Variants in NXPE3 observed in about 807,000 individuals in gnomAD.
The protein encoded by NXPE3 is NXPE family member 3.
A neutral mutation model predicts 46.1 loss-of-function variants in NXPE3; 26 were observed. The ratio of observed to expected loss-of-function variants is 0.56; its 90% confidence interval spans 0.41 to 0.78. The LOEUF (loss-of-function observed/expected upper bound fraction) is 0.78. Among genes scored for constraint, NXPE3 ranks in the 30% least tolerant of loss-of-function variants. The pLI is 0.00. For synonymous variants in NXPE3, 272 were observed against 257.9 expected, an observed-to-expected ratio of 1.05 and a Z score of -0.52; for missense variants, 620 against 686.0, an observed-to-expected ratio of 0.90 and a Z score of 1.07.
chr3:101,819,886 C>T (rs962172095), intron 7 of NXPE3, among the ~76,000 whole-genome samples: 1 of 152,176 alleles, frequency 6.6e-6, no homozygotes, highest in African/African-American at 2.4e-5. Flanking sequence ...AATATTTCCC[C>T]ATTGCACCTA....
In NXPE3 at chr3:101,786,700, G is replaced by T. The variant is rs113350807; in HGVS notation, c.93+1011G>T. Among the ~76,000 whole-genome samples the T allele has an allele frequency of 2.0e-5, 3 of 152,244 alleles. No individual in the cohort carries two copies. In the South Asian group the frequency reaches 6.2e-4, roughly 32 times the overall value. On this transcript the variant is annotated intron_variant, in intron 4 of 7. Coordinates refer to ENST00000273347, the MANE Select transcript of NXPE3 (RefSeq NM_145037.4). ...TATAAGATACTACCAATCCTACACC[G>T]ATAGTTCCTTTTACCTGGAAGCTGT...
chr3:101,805,714 TACAGGCGTA>T (rs1439429749), intron 5 of NXPE3, among the ~76,000 whole-genome samples: 4 of 152,204 alleles, frequency 2.6e-5, no homozygotes, highest in Non-Finnish European at 5.9e-5. Context: ...GTGCTGGGAT[TACAGGCGTA>T]AGCCACCACG....
intron 4 of NXPE3, among the ~76,000 whole-genome samples, chr3:101,791,664 C>A (rs1380715103): frequency 6.6e-6 from 1 of 152,168 alleles, no homozygotes; most frequent in African/African-American, 2.4e-5. Flanking sequence ...GTGTGAGCCA[C>A]CACGCCCGGC....
Position 101,801,595 on chromosome 3 carries a change from A to G in NXPE3, c.454A>G (p.Lys152Glu). ...DYLQARIHSL[K>E]LQAGAVGRVV... ...CCTGCAGGCCAGAATTCACTCCCTC[A>G]AGCTGCAGGCTGGGGCTGTGGGCAG... The change falls in exon 5 of 8, where the codon AAG becomes GAG. Residue 152 changes from lysine (K) to glutamate (E), a missense_variant. Physicochemically the swap from Lys to Glu is moderately conservative, Grantham distance 56. Around this residue, in one of 3 missense-constraint regions of NXPE3, gnomAD observed 511 missense variants for 528.6 expected, o/e 0.97. Transcript: ENST00000273347. 2 of 1,614,136 alleles carry G rather than the reference A, an allele frequency of 1.2e-6. No homozygotes were observed. The highest frequency in any genetic ancestry group is 8.5e-7 in the Non-Finnish European group (1 of 1,180,004).
chr3:101,812,653 A>G (rs1434035263), intron 6 of NXPE3, among the ~76,000 whole-genome samples: 1 of 151,876 alleles, frequency 6.6e-6, no homozygotes, highest in Non-Finnish European at 1.5e-5. Flanking sequence ...TCTACTAAAA[A>G]TGCAAAAAAC....
chr3:101,782,982 C>T (rs1262259439), intron 3 of NXPE3, among the ~76,000 whole-genome samples: 1 of 151,826 alleles, frequency 6.6e-6, no homozygotes, highest in Non-Finnish European at 1.5e-5. Context: ...TTTTTATTTC[C>T]TGGTGAAAAA....
chr3:101,801,266 T>C lies in NXPE3; in HGVS notation c.125T>C (p.Phe42Ser), dbSNP rs199917885. Residue 42 changes from phenylalanine (F) to serine (S), a missense_variant, in exon 5 of 8, where the codon TTC becomes TCC. By Grantham distance (155) the Phe-to-Ser change is radical (BLOSUM62 -2). Transcript: ENST00000273347. ...YLDHETVSAT[F>S]IDSSGQFVSS... ...GACCATGAGACTGTTTCAGCCACTT[T>C]CATCGACAGCAGTGGACAGTTTGTT... 18 of 1,613,420 alleles carry C rather than the reference T, an allele frequency of 1.1e-5. No homozygotes were observed. In the Admixed American group the frequency reaches 2.2e-4, roughly 19 times the overall value.
Position 101,801,433 on chromosome 3 carries a change from G to C in NXPE3, c.292G>C (p.Val98Leu). ...QVPDVGPVPF[V>L]KSTDPSSSYF... is the part of the protein sequence containing the mutation. ...TCCTGATGTGGGCCCAGTCCCCTTT[G>C]TGAAGAGCACTGACCCTTCTTCCAG... The change falls in exon 5 of 8, where the codon GTG (valine) becomes CTG (leucine). Residue 98 changes from valine (V) to leucine (L), a missense_variant. Around this residue, in one of 3 missense-constraint regions of NXPE3, gnomAD observed 511 missense variants for 528.6 expected, o/e 0.97. Transcript: ENST00000273347. The C allele has an allele frequency of 1.2e-6, 2 of 1,614,182 alleles. No individual in the cohort carries two copies. The highest frequency in any genetic ancestry group is 1.1e-5 in the South Asian group (1 of 91,086).
intron 5 of NXPE3, among the ~76,000 whole-genome samples, chr3:101,804,374 G>T (rs1430172910): frequency 6.6e-6 from 1 of 152,214 alleles, no homozygotes; most frequent in Non-Finnish European, 1.5e-5. Context: ...TGCATATCCT[G>T]GGTGAGGCTG....
rs1488135715 is a variant in NXPE3 at position 101,807,273 on chromosome 3, A to G, written c.922+147A>G. ...TATTAAAAGTACTGTTTGATTAAAAAAATCAGATCTTATGTGCATAATTCT... is the reference window on the plus strand; with the variant it reads ...TATTAAAAGTACTGTTTGATTAAAAGAATCAGATCTTATGTGCATAATTCT... On this transcript the variant is annotated intron_variant, in intron 6 of 7. Coordinates refer to ENST00000273347, the MANE Select transcript of NXPE3 (RefSeq NM_145037.4). 10 of 625,246 alleles carry G rather than the reference A, an allele frequency of 1.6e-5. No homozygotes were observed. In the East Asian group the frequency reaches 2.8e-4, roughly 17 times the overall value. The allele number at this position is 625,246 out of a possible 1,614,324, so 38.7% of individuals were successfully genotyped here. A position where few individuals can be genotyped will look rare whatever the true frequency, so the allele number is the denominator to read the frequency against.
chr3:101,789,872 G>A (rs983476196), intron 4 of NXPE3, among the ~76,000 whole-genome samples: 1 of 151,926 alleles, frequency 6.6e-6, no homozygotes, highest in Non-Finnish European at 1.5e-5. Context: ...TTATGTTTTT[G>A]CAGAGATGGG....
intron 6 of NXPE3, among the ~76,000 whole-genome samples, chr3:101,816,031 A>G (rs1002865372): frequency 2.0e-5 from 3 of 150,100 alleles, no homozygotes; most frequent in African/African-American, 7.4e-5. Flanking sequence ...AGGCATGGTA[A>G]TGCGTGCCTG....
chr3:101,788,962 A>G (rs1480505845), intron 4 of NXPE3, among the ~76,000 whole-genome samples: 2 of 152,126 alleles, frequency 1.3e-5, no homozygotes, highest in East Asian at 3.8e-4. Flanking sequence ...TAGATTTCCA[A>G]AACCCCTTTT....
Position 101,821,592 on chromosome 3 carries a change from G to T in NXPE3, c.1318G>T (p.Val440Phe), listed in dbSNP as rs548864461. ...CATTGTGGGAGGGAAGAACACAGTG[G>T]TTGCCATAGCTGTATGGTCTCACTT... ...NGIVGGKNTV[V>F]AIAVWSHFST... Residue 440 changes from valine (V) to phenylalanine (F), a missense_variant, in exon 8 of 8, where the codon GTT becomes TTT. This residue lies in a region of NXPE3 where 511 missense variants were observed against 528.6 expected (regional missense o/e 0.97). Coordinates refer to ENST00000273347, the MANE Select transcript of NXPE3 (RefSeq NM_145037.4). The T allele has an allele frequency of 6.2e-7, 1 of 1,614,204 alleles. No homozygotes were observed. Among genetic ancestry groups the T allele is most frequent in the Non-Finnish European group, 8.5e-7 (1 of 1,180,034 alleles).
chr3:101,788,044 G>A (rs1256550378), intron 4 of NXPE3, among the ~76,000 whole-genome samples: 2 of 151,996 alleles, frequency 1.3e-5, no homozygotes, highest in Non-Finnish European at 2.9e-5. Context: ...TTGCATCCTC[G>A]CCAGCACTTG....
At chr3:101,796,266 C>G (rs1373009323) in intron 4 of NXPE3, among the ~76,000 whole-genome samples, 1 of 152,238 alleles carries the variant, frequency 6.6e-6, no homozygotes, top group Non-Finnish European at 1.5e-5. Flanking sequence ...CATGTTCACT[C>G]CAGCCCATAG....
Position 101,795,807 on chromosome 3 carries a change from A to G in NXPE3, c.94-5428A>G, listed in dbSNP as rs538361928. 4.6e-5 allele frequency among the ~76,000 whole-genome samples: 7 copies of G among 152,264 alleles called. No homozygotes were observed. In the East Asian group the frequency reaches 9.6e-4, roughly 21 times the overall value. On this transcript the variant is annotated intron_variant, in intron 4 of 7. Coordinates refer to ENST00000273347, the MANE Select transcript of NXPE3 (RefSeq NM_145037.4). ...TAGGTTGGGCATAGTTCTTTTGGGA[A>G]TCAGCCTCTGTTTGTCTGTAAGCCT... is the stretch of plus-strand genomic sequence containing the variant.
chr3:101,818,744 TATATA>T lies in NXPE3; in HGVS notation c.1129+1744_1129+1748del, dbSNP rs1410865323. Reference sequence around the variant, plus strand: ...ATATATATATATATATATATATATATATATATATATTTTTTTTTTTTTTTTTTTTT... The same window carrying T: ...ATATATATATATATATATATATATATTATATTTTTTTTTTTTTTTTTTTTT... On this transcript the variant is annotated intron_variant, in intron 7 of 7. Transcript: ENST00000273347. 7.1e-3 allele frequency among the ~76,000 whole-genome samples: 215 copies of T among 30,150 alleles called. 11 individuals carry two copies. Among genetic ancestry groups the T allele is most frequent in the Non-Finnish European group, 0.01 (165 of 16,372 alleles). 19.8% of individuals were successfully genotyped at this position (30,150 alleles called of 152,430 possible). A position where few individuals can be genotyped will look rare whatever the true frequency, so the allele number is the denominator to read the frequency against.
intron 4 of NXPE3, among the ~76,000 whole-genome samples, chr3:101,789,404 AG>A: frequency 6.6e-6 from 1 of 151,946 alleles, no homozygotes; most frequent in African/African-American, 2.4e-5. Flanking sequence ...AAATTAGGTG[AG>A]TGTAGTGGTG....
Sources: gnomAD v4.1 joint callset for allele counts (sites outside exome capture counted in the v4.1 genomes callset) on GRCh38, gnomAD v4.1.1 for gene constraint, gnomAD v4.1.1 regional missense constraint, MANE v1.5 for transcripts, NCBI Gene and HGNC (gene_info 2026-07-23, HGNC 2026-07-21) for gene names.